CHRM5: variants seen among roughly 807,000 people sequenced by gnomAD.
The protein encoded by CHRM5 is cholinergic receptor muscarinic 5, also known as muscarinic acetylcholine receptor M5.
In CHRM5, 18 loss-of-function variants were observed where a neutral mutation model predicts 39.0. The observed-to-expected ratio is 0.46, with a 90% CI of 0.32 to 0.68. The LOEUF is 0.68. Among genes scored for constraint, CHRM5 ranks in the 30% least tolerant of loss-of-function variants. The pLI is 0.04. For synonymous variants in CHRM5, 241 were observed against 246.3 expected, an observed-to-expected ratio of 0.98 and a Z score of 0.20; for missense variants, 515 against 651.1, an observed-to-expected ratio of 0.79 and a Z score of 2.28.
chr15:34,063,301 T>C lies in CHRM5; in HGVS notation c.584T>C (p.Phe195Ser). The C allele has an allele frequency of 6.2e-7, 1 of 1,614,174 alleles. No homozygotes were observed. Among genetic ancestry groups the C allele is most frequent in the Non-Finnish European group, 8.5e-7 (1 of 1,180,032 alleles). The change falls in exon 3 of 3, where the codon TTT becomes TCT. Residue 195 changes from phenylalanine to serine, a missense_variant. Physicochemically the swap from Phe to Ser is radical, Grantham distance 155. Transcript: ENST00000383263. The surrounding 1 kb of genome is among the most constrained non-coding windows in gnomAD (Gnocchi z 4.1). Reference protein sequence around the residue: ...IQFLSEPTITFGTAIAAFYIP... With the variant: ...IQFLSEPTITSGTAIAAFYIP... ...TTTCTCTCTGAGCCCACCATCACTTTTGGCACTGCCATTGCTGCCTTCTAC... is the reference window on the plus strand; with the variant it reads ...TTTCTCTCTGAGCCCACCATCACTTCTGGCACTGCCATTGCTGCCTTCTAC...
intron 1 of CHRM5, among the ~76,000 whole-genome samples, chr15:33,992,338 CG>C (rs1304862412): frequency 1.1e-4 from 17 of 151,470 alleles, no homozygotes; most frequent in Middle Eastern, 3.5e-3. Context: ...TGCAGTGAGC[CG>C]AGATTGCGCC....
chr15:33,971,437 G>T (rs1323236402), intron 1 of CHRM5, among the ~76,000 whole-genome samples: 1 of 151,830 alleles, frequency 6.6e-6, no homozygotes, highest in Non-Finnish European at 1.5e-5. Context: ...TTATCCAAAA[G>T]CTATAAGCTT....
chr15:34,007,673 C>T (rs973957284), intron 1 of CHRM5, among the ~76,000 whole-genome samples: 2 of 152,270 alleles, frequency 1.3e-5, no homozygotes. Context: ...TTCCTGGTAC[C>T]GTATTACTTT....
chr15:33,985,626 T>C (rs1745514174), intron 1 of CHRM5, among the ~76,000 whole-genome samples: 1 of 151,912 alleles, frequency 6.6e-6, no homozygotes, highest in South Asian at 2.1e-4. Flanking sequence ...AACAATATTC[T>C]GAAAGGCAGG....
chr15:33,988,416 T>C (rs534273314), intron 1 of CHRM5, among the ~76,000 whole-genome samples: 4 of 152,342 alleles, frequency 2.6e-5, no homozygotes, highest in South Asian at 2.1e-4. Context: ...GCTTAGTTTC[T>C]ACATGTATAG....
At chr15:34,006,284 C>T (rs940687088) in intron 1 of CHRM5, among the ~76,000 whole-genome samples, 3 of 151,424 alleles carry the variant, frequency 2.0e-5, no homozygotes, top group East Asian at 1.9e-4. Context: ...GCAATCCAGC[C>T]CGGGCAACAG....
chr15:34,010,236 T>C (rs900382234), intron 1 of CHRM5, among the ~76,000 whole-genome samples: 1 of 152,164 alleles, frequency 6.6e-6, no homozygotes, highest in East Asian at 1.9e-4. Context: ...TTTACATTAA[T>C]TTATAATCTG....
chr15:34,043,774 C>T (rs984388308), intron 1 of CHRM5, among the ~76,000 whole-genome samples: 6 of 152,362 alleles, frequency 3.9e-5, no homozygotes, highest in African/African-American at 9.6e-5. Context: ...CCCTCACTCT[C>T]AGCTGCTGAC....
intron 1 of CHRM5, among the ~76,000 whole-genome samples, chr15:33,986,376 TG>T (rs1896469506): frequency 6.6e-6 from 1 of 152,044 alleles, no homozygotes; most frequent in African/African-American, 2.4e-5. Flanking sequence ...CCCAAAGTGC[TG>T]GGATTACAGG....
intron 1 of CHRM5, among the ~76,000 whole-genome samples, chr15:34,005,608 G>C (rs1597339644): frequency 6.6e-6 from 1 of 152,162 alleles, no homozygotes; most frequent in Non-Finnish European, 1.5e-5. Context: ...GGACCACAGG[G>C]TTTGGATAAT....
intron 2 of CHRM5, among the ~76,000 whole-genome samples, chr15:34,054,029 A>T (rs112790070): frequency 0.072 from 10,986 of 152,178 alleles, 617 homozygotes; most frequent in East Asian, 0.31. Context: ...TGTATGAACA[A>T]ACACTTCTCA....
At position 33,998,514 on chromosome 15, in the gene CHRM5, C is replaced by G. The variant is rs538603444; in HGVS notation, c.-408+29364C>G. ...AAAAGTCTTGACTCACTTCTCCCAC[C>G]AGCCCATTATTCTCCTTTCCTTTAT... On this transcript the variant is annotated intron_variant, in intron 1 of 2. Transcript: ENST00000383263. Among the ~76,000 whole-genome samples the G allele has an allele frequency of 2.0e-5, 3 of 152,224 alleles. No homozygotes were observed. The East Asian group carries it at 5.8e-4, about 29-fold the overall frequency.
intron 1 of CHRM5, among the ~76,000 whole-genome samples, chr15:34,031,728 G>A (rs913063835): frequency 1.3e-5 from 2 of 152,124 alleles, no homozygotes; most frequent in Non-Finnish European, 2.9e-5. Flanking sequence ...GTTCTTCACA[G>A]GAATTGCCTT....
chr15:34,040,584 T>A (rs1190032484), intron 1 of CHRM5, among the ~76,000 whole-genome samples: 1 of 152,206 alleles, frequency 6.6e-6, no homozygotes, highest in Non-Finnish European at 1.5e-5. Context: ...TAGTGTTGTC[T>A]CCATTTTACA....
Position 34,025,850 on chromosome 15 carries a change from T to A in CHRM5, c.-407-20690T>A, listed in dbSNP as rs185616918. ...GGACCTGTCCAAACTCAAGTGATCA[T>A]CTTGCCCCACAAAGCCCGTGTTTAC... On this transcript the variant is annotated intron_variant, in intron 1 of 2. Coordinates refer to ENST00000383263, the MANE Select transcript of CHRM5 (RefSeq NM_012125.4). Among the ~76,000 whole-genome samples, 178 of 152,264 alleles carry A rather than the reference T, an allele frequency of 1.2e-3. 1 individual carries two copies. The highest frequency in any genetic ancestry group is 4.1e-3 in the African/African-American group (170 of 41,548).
At chr15:34,017,846 C>T (rs1387241174) in intron 1 of CHRM5, among the ~76,000 whole-genome samples, 1 of 152,110 alleles carries the variant, frequency 6.6e-6, no homozygotes, top group Non-Finnish European at 1.5e-5. Context: ...GCACCACATA[C>T]CATTTTGGTC....
At chr15:34,009,585 A>G (rs1897548781) in intron 1 of CHRM5, among the ~76,000 whole-genome samples, 1 of 152,222 alleles carries the variant, frequency 6.6e-6, no homozygotes, top group Admixed American at 6.5e-5. Flanking sequence ...TGCAAACACT[A>G]AAGAGCTAGC....
In CHRM5 at chr15:34,066,759, G is replaced by A. The variant is rs1250866097; in HGVS notation, c.*2443G>A. 1 of 151,488 alleles carries A rather than the reference G, an allele frequency of 6.6e-6. No individual in the cohort carries two copies. Among genetic ancestry groups the A allele is most frequent in the Non-Finnish European group, 1.5e-5 (1 of 68,086 alleles). 9.4% of individuals were successfully genotyped at this position (151,488 alleles called of 1,614,324 possible). On this transcript the variant is annotated 3_prime_UTR_variant, in exon 3 of 3. Coordinates refer to ENST00000383263, the MANE Select transcript of CHRM5 (RefSeq NM_012125.4). ...GAGCCCAGGAGTTAGAGGTTGCAGT[G>A]AGCTATGATCACACTACTGCATTCC...
At chr15:34,039,067 T>C in intron 1 of CHRM5, 7 of 1,089,746 alleles carry the variant, frequency 6.4e-6, no homozygotes, top group Non-Finnish European at 7.8e-6. Flanking sequence ...CTGGCGGTGC[T>C]GAGCGCGCGG....
Sources: allele counts gnomAD v4.1 joint callset (sites outside exome capture counted in the v4.1 genomes callset), GRCh38; gene constraint gnomAD v4.1.1; non-coding constraint Gnocchi (gnomAD v3.1); transcripts MANE v1.5; gene names NCBI Gene and HGNC (gene_info 2026-07-23, HGNC 2026-07-21).